PHLDB2: variants seen among roughly 807,000 people sequenced by gnomAD.
PHLDB2 encodes the protein pleckstrin homology-like domain family B member 2.
In PHLDB2, 71 loss-of-function variants were observed where a neutral mutation model predicts 123.6. The observed-to-expected ratio is 0.57, with a 90% confidence interval of 0.47 to 0.70. The LOEUF is 0.70. PHLDB2 is among the 30% of genes least tolerant of loss of function. The pLI is 0.00. For missense variants in PHLDB2, 1,446 were observed against 1,519.5 expected (o/e 0.95, Z 0.80); for synonymous variants, 547 against 541.6 (o/e 1.01, Z -0.14).
Position 111,932,325 on chromosome 3 carries a change from C to T in PHLDB2, c.2058C>T (p.Tyr686=), listed in dbSNP as rs2069192866. ...AACTAGAGAGGCTTCAGGAGCTTTA[C>T]TCCGAGCAGAAGACCCAGCTGGACA... ...REKLERLQEL[Y]SEQKTQLDNC... Residue 686 remains tyrosine (Y), a synonymous_variant, in exon 6 of 18, where the codon TAC becomes TAT. Transcript: ENST00000431670. 1.9e-6 allele frequency: 3 copies of T among 1,551,616 alleles called. No homozygotes were observed. Among genetic ancestry groups the T allele is most frequent in the Non-Finnish European group, 2.6e-6 (3 of 1,146,816 alleles).
chr3:111,939,185 T>A (rs2069704167), intron 6 of PHLDB2, among the ~76,000 whole-genome samples: 1 of 144,432 alleles, frequency 6.9e-6, no homozygotes, highest in South Asian at 2.3e-4. Flanking sequence ...ACTGAGTTGT[T>A]TTTGTACTTC....
rs2066099486 is a variant in PHLDB2, at chr3:111,885,395, C to G, written c.1318C>G (p.Gln440Glu). Residue 440 changes from glutamine (Q) to glutamate (E), a missense_variant, in exon 2 of 18, where the codon CAG (glutamine) becomes GAG (glutamate). By Grantham distance (29) the Gln-to-Glu change is conservative. Transcript: ENST00000431670. Reference protein sequence around the residue: ...RRQREERLREQEMERLERQRL... With the variant: ...RRQREERLREEEMERLERQRL... Reference sequence around the variant, plus strand: ...GCAGAGGGAGGAAAGACTCAGGGAGCAGGAAATGGAGCGATTGGTAATCTT... The same window carrying G: ...GCAGAGGGAGGAAAGACTCAGGGAGGAGGAAATGGAGCGATTGGTAATCTT... 1 of 1,614,122 alleles carries G rather than the reference C, an allele frequency of 6.2e-7. No individual in the cohort carries two copies. The highest frequency in any genetic ancestry group is 8.5e-7 in the Non-Finnish European group (1 of 1,180,036).
intron 1 of PHLDB2, among the ~76,000 whole-genome samples, chr3:111,820,293 C>G (rs145071182): frequency 2.0e-5 from 3 of 152,114 alleles, no homozygotes; most frequent in Non-Finnish European, 4.4e-5. Flanking sequence ...AAGTTAAAAA[C>G]GAAGTTAAAA....
chr3:111,737,229 C>T (rs2059522694), intron 1 of PHLDB2, among the ~76,000 whole-genome samples: 1 of 152,206 alleles, frequency 6.6e-6, no homozygotes, highest in African/African-American at 2.4e-5. Context: ...CCAGTGTTTT[C>T]TTATCCCTAA....
At chr3:111,817,530 C>G (rs2062145548) in intron 1 of PHLDB2, among the ~76,000 whole-genome samples, 1 of 152,162 alleles carries the variant, frequency 6.6e-6, no homozygotes, top group Admixed American at 6.5e-5. Context: ...ACCTTTAAAT[C>G]CTTTACACTA....
upstream of PHLDB2, among the ~76,000 whole-genome samples, chr3:111,855,686 G>T (rs2064463864): frequency 7.2e-6 from 1 of 138,868 alleles, no homozygotes; most frequent in Admixed American, 8.0e-5. Context: ...ACCCAGGCTG[G>T]AGTGCAATGG....
intron 6 of PHLDB2, among the ~76,000 whole-genome samples, chr3:111,935,401 T>C (rs1174216260): frequency 6.6e-6 from 1 of 152,150 alleles, no homozygotes; most frequent in African/African-American, 2.4e-5. Context: ...GGACAAGTCA[T>C]TCAACTTCTA....
chr3:111,835,720 C>G (rs1282159008), intron 1 of PHLDB2, among the ~76,000 whole-genome samples: 1 of 152,100 alleles, frequency 6.6e-6, no homozygotes, highest in Non-Finnish European at 1.5e-5. Context: ...AAATCTTACT[C>G]ACTTGTCTGG....
chr3:111,910,237 T>A (rs373719270), intron 2 of PHLDB2, among the ~76,000 whole-genome samples: 1 of 152,104 alleles, frequency 6.6e-6, no homozygotes, highest in Non-Finnish European at 1.5e-5. Context: ...TTGATATATG[T>A]GGGAGATCAA....
intron 2 of PHLDB2, among the ~76,000 whole-genome samples, chr3:111,907,364 C>T (rs1284054394): frequency 6.6e-6 from 1 of 152,212 alleles, no homozygotes; most frequent in Non-Finnish European, 1.5e-5. Flanking sequence ...GTTCCAAAGG[C>T]AACACTTCCA....
chr3:111,809,899 C>G, intron 1 of PHLDB2, among the ~76,000 whole-genome samples: 1 of 152,170 alleles, frequency 6.6e-6, no homozygotes, highest in Middle Eastern at 3.2e-3. Flanking sequence ...TGAAGACGTT[C>G]TAGAGTTCTG....
intron 13 of PHLDB2, among the ~76,000 whole-genome samples, chr3:111,964,990 A>G (rs775257370): frequency 5.9e-5 from 9 of 152,198 alleles, no homozygotes; most frequent in Non-Finnish European, 1.2e-4. Context: ...GAATATAAAT[A>G]TAATTTTATG....
chr3:111,905,527 T>C (rs752053831), intron 2 of PHLDB2, among the ~76,000 whole-genome samples: 1 of 152,048 alleles, frequency 6.6e-6, no homozygotes, highest in Non-Finnish European at 1.5e-5. Context: ...CAGCTAATTT[T>C]TGTATTTTTA....
chr3:111,838,935 A>G (rs1246467398), intron 1 of PHLDB2, among the ~76,000 whole-genome samples: 1 of 152,224 alleles, frequency 6.6e-6, no homozygotes, highest in Non-Finnish European at 1.5e-5. Flanking sequence ...AATTCAGCAG[A>G]ATGAATATTC....
chr3:111,827,633 A>ATT (rs773455976), intron 1 of PHLDB2, among the ~76,000 whole-genome samples: 1 of 136,518 alleles, frequency 7.3e-6, no homozygotes, highest in Non-Finnish European at 1.6e-5. Context: ...GAGATTGGAG[A>ATT]TTGTGCCATT....
At chr3:111,806,626 T>C (rs111911956) in intron 1 of PHLDB2, among the ~76,000 whole-genome samples, 5,087 of 151,920 alleles carry the variant, frequency 0.033, 105 homozygotes, top group South Asian at 0.066. Context: ...ACTGGGACTA[T>C]AGGCACGAGC....
chr3:111,834,233 G>A (rs868311324), intron 1 of PHLDB2, among the ~76,000 whole-genome samples: 8,504 of 55,056 alleles, frequency 0.15, 2,117 homozygotes, highest in African/African-American at 0.41. Flanking sequence ...TATATATTAT[G>A]TATATAATAG....
chr3:111,934,410 C>T (rs957329339), intron 6 of PHLDB2, among the ~76,000 whole-genome samples: 2 of 152,070 alleles, frequency 1.3e-5, no homozygotes, highest in Non-Finnish European at 2.9e-5. Flanking sequence ...ACAAAGCTTT[C>T]CCTTGGGCAT....
intron 1 of PHLDB2, among the ~76,000 whole-genome samples, chr3:111,839,757 C>T (rs894176075): frequency 6.6e-6 from 1 of 151,704 alleles, no homozygotes; most frequent in East Asian, 1.9e-4. Flanking sequence ...AGTGGAAATA[C>T]CTCTAGTATT....
Sources: allele counts gnomAD v4.1 joint callset (sites outside exome capture counted in the v4.1 genomes callset), GRCh38; gene constraint gnomAD v4.1.1; transcripts MANE v1.5; gene names NCBI Gene and HGNC (gene_info 2026-07-23, HGNC 2026-07-21).